The following CEP135 variants were observed in gnomAD, a reference collection of about 807,000 sequenced individuals.
CEP135 encodes centrosomal protein 135.
CEP135 carries 142 observed loss-of-function variants against 157.3 expected under a neutral mutation model. The observed-to-expected ratio is 0.90, with a 90% CI of 0.79 to 1.04. The LOEUF is 1.04. Ranked by LOEUF, CEP135 falls within the 50% of genes least tolerant of loss-of-function variation. The pLI, the probability that CEP135 is intolerant of heterozygous loss-of-function variation, is 0.00. For missense variants in CEP135, 1,317 were observed against 1,309.2 expected, an observed-to-expected ratio of 1.01 and a Z score of -0.09; for synonymous variants, 396 against 439.8, an observed-to-expected ratio of 0.90 and a Z score of 1.25.
At position 55,969,141 on chromosome 4, in the gene CEP135, C is replaced by A; in HGVS notation, c.1110+13C>A. ...AAAACTTCAGCTGGTAAGTTGATGTCATGTTGAATTGCCAGCATTTTCAGT... is the reference window on the plus strand; with the variant it reads ...AAAACTTCAGCTGGTAAGTTGATGTAATGTTGAATTGCCAGCATTTTCAGT... On this transcript the variant is annotated intron_variant, in intron 9 of 25. Coordinates refer to ENST00000257287, the MANE Select transcript of CEP135 (RefSeq NM_025009.5). 1 of 1,608,318 alleles carries A rather than the reference C, an allele frequency of 6.2e-7. No individual in the cohort carries two copies. The highest frequency in any genetic ancestry group is 8.5e-7 in the Non-Finnish European group (1 of 1,177,272).
At chr4:56,009,999 A>G in intron 19 of CEP135, 96 bp downstream of exon 19, 1 of 1,222,010 alleles carries the variant, frequency 8.2e-7, no homozygotes, top group Admixed American at 2.4e-5. Flanking sequence ...CTGATGATAT[A>G]AAAATAAGTG....
chr4:56,002,071 G>A (rs1730192490), intron 17 of CEP135, among the ~76,000 whole-genome samples: 1 of 151,974 alleles, frequency 6.6e-6, no homozygotes, highest in Non-Finnish European at 1.5e-5. Context: ...TAAAAATGCT[G>A]TTGATTTTTG....
chr4:55,972,840 T>C (rs1729071115), intron 10 of CEP135, among the ~76,000 whole-genome samples: 1 of 152,150 alleles, frequency 6.6e-6, no homozygotes, highest in South Asian at 2.1e-4. Flanking sequence ...AAGACCAGCC[T>C]GACCCACATG....
rs189659694 is a variant in CEP135 at position 55,953,943 on chromosome 4, C to T, written c.305-273C>T. On this transcript the variant is annotated intron_variant, in intron 3 of 25. Coordinates refer to ENST00000257287, the MANE Select transcript of CEP135 (RefSeq NM_025009.5). ...CTAATCCATGGTATGAATTCATAAT[C>T]CTTTAGCTTCAGACCCAATTTACTG... 2.6e-3 allele frequency among the ~76,000 whole-genome samples: 396 copies of T among 152,194 alleles called. 5 individuals carry two copies. Among genetic ancestry groups the T allele is most frequent in the Middle Eastern group, 0.014 (4 of 294 alleles).
At chr4:55,985,389 T>C in intron 14 of CEP135, 31 bp downstream of exon 14, 1 of 1,121,646 alleles carries the variant, frequency 8.9e-7, no homozygotes, top group Non-Finnish European at 1.3e-6. Context: ...TGGGGTATCT[T>C]GTGTTATATG....
chr4:55,999,639 T>C lies in CEP135; in HGVS notation c.2274T>C (p.Ala758=). 6.3e-7 allele frequency: 1 copy of C among 1,586,682 alleles called. No individual in the cohort carries two copies. Among genetic ancestry groups the C allele is most frequent in the South Asian group, 1.2e-5 (1 of 85,762 alleles). Reference sequence around the variant, plus strand: ...TTGCAAATTTGCAAGAAAACCTAGCTAATAAAGTATGTGATCGTTTAATGT... The same window carrying C: ...TTGCAAATTTGCAAGAAAACCTAGCCAATAAAGTATGTGATCGTTTAATGT... The part of the protein sequence containing the change: ...EKIANLQENL[A]NKEKAVAQMK... The change falls in exon 17 of 26, where the codon GCT becomes GCC. Residue 758 remains alanine (A), a synonymous_variant. Transcript: ENST00000257287.
chr4:56,010,842 T>G (rs938304755), intron 19 of CEP135, among the ~76,000 whole-genome samples: 3 of 152,236 alleles, frequency 2.0e-5, no homozygotes, highest in African/African-American at 7.2e-5. Context: ...ATATGAATGT[T>G]TTTTAATGTC....
chr4:56,026,509 T>TATTGTGTG (rs1731164262), intron 25 of CEP135, among the ~76,000 whole-genome samples: 1 of 152,202 alleles, frequency 6.6e-6, no homozygotes, highest in Non-Finnish European at 1.5e-5. Context: ...TTGTGTGTAC[T>TATTGTGTG]TGTAGATTGT....
intron 8 of CEP135, among the ~76,000 whole-genome samples, chr4:55,967,414 A>T (rs959592873): frequency 6.6e-6 from 1 of 152,118 alleles, no homozygotes; most frequent in Admixed American, 6.5e-5. Context: ...GGTACTCTAA[A>T]AGTTTTTTAT....
At chr4:56,013,886 G>A (rs1320869046) in intron 21 of CEP135, among the ~76,000 whole-genome samples, 1 of 152,144 alleles carries the variant, frequency 6.6e-6, no homozygotes, top group Non-Finnish European at 1.5e-5. Flanking sequence ...GCGGATTAGG[G>A]TTAGACCCTA....
intron 11 of CEP135, 61 bp from the exon 12 acceptor site, chr4:55,980,082 T>C: frequency 7.6e-7 from 1 of 1,322,634 alleles, no homozygotes; most frequent in Non-Finnish European, 1.1e-6. Context: ...AATCTCATCA[T>C]CAGTATCCTT....
chr4:55,981,296 C>T lies in CEP135; in HGVS notation c.1696C>T (p.Leu566Phe). The change falls in exon 13 of 26, where the codon CTT becomes TTT. Residue 566 changes from leucine (L) to phenylalanine (F), a missense_variant. Physicochemically the swap from Leu to Phe is conservative, Grantham distance 22. Transcript: ENST00000257287. ...QTTAPHNIVS[L>F]MEKEKELALS... ...CACAGCACCCCATAATATTGTTAGT[C>T]TTATGGAAAAGGAAAAAGAACTTGC... 1.9e-6 allele frequency: 3 copies of T among 1,596,560 alleles called. No individual in the cohort carries two copies. The South Asian group carries it at 3.5e-5, about 18-fold the overall frequency.
intron 15 of CEP135, among the ~76,000 whole-genome samples, chr4:55,997,673 ACTTT>A (rs1730019911): frequency 1.4e-5 from 2 of 142,968 alleles, no homozygotes; most frequent in Non-Finnish European, 3.0e-5. Flanking sequence ...CTTTGCCCTT[ACTTT>A]CTTTGTGACC....
intron 21 of CEP135, among the ~76,000 whole-genome samples, chr4:56,017,200 T>C (rs982848404): frequency 5.9e-5 from 9 of 152,128 alleles, no homozygotes; most frequent in African/African-American, 1.9e-4. Flanking sequence ...ATTTAAATTA[T>C]CCAGGTATAT....
chr4:55,992,124 A>G (rs773143149), intron 15 of CEP135, 39 bp downstream of exon 15: 2 of 1,572,450 alleles, frequency 1.3e-6, no homozygotes, highest in Non-Finnish European at 1.7e-6. Context: ...ATTTCTGGGA[A>G]TGTGTTTGTG....
chr4:55,983,467 T>A lies in CEP135; in HGVS notation c.1780-1814T>A, dbSNP rs548505197. Among the ~76,000 whole-genome samples the A allele has an allele frequency of 1.1e-4, 16 of 152,294 alleles. No individual in the cohort carries two copies. In the East Asian group the frequency reaches 2.1e-3, roughly 20 times the overall value. On this transcript the variant is annotated intron_variant, in intron 13 of 25. Coordinates refer to ENST00000257287, the MANE Select transcript of CEP135 (RefSeq NM_025009.5). Reference sequence around the variant, plus strand: ...AGTTGTCAAATCCAAGCATCATCCATCACTAAGATCTCCCTGAAAGCTCAT... The same window carrying A: ...AGTTGTCAAATCCAAGCATCATCCAACACTAAGATCTCCCTGAAAGCTCAT...
intron 4 of CEP135, among the ~76,000 whole-genome samples, chr4:55,954,753 A>G (rs1056313233): frequency 5.3e-5 from 8 of 152,142 alleles, no homozygotes; most frequent in African/African-American, 1.9e-4. Flanking sequence ...TTATTTTACT[A>G]TTTTTAGCAT....
chr4:56,005,088 A>G (rs1463575900), intron 17 of CEP135, among the ~76,000 whole-genome samples: 1 of 152,258 alleles, frequency 6.6e-6, no homozygotes, highest in Non-Finnish European at 1.5e-5. Context: ...GAAGCTTACA[A>G]AACGTATCTT....
intron 21 of CEP135, among the ~76,000 whole-genome samples, chr4:56,016,882 C>T (rs959671437): frequency 7.2e-5 from 11 of 152,038 alleles, no homozygotes; most frequent in South Asian, 2.1e-4. Flanking sequence ...CTATGTTTCC[C>T]GGACTGGTCT....
Sources: gnomAD v4.1 joint callset for allele counts (sites outside exome capture counted in the v4.1 genomes callset) on GRCh38, gnomAD v4.1.1 for gene constraint, MANE v1.5 for transcripts, NCBI Gene and HGNC (gene_info 2026-07-23, HGNC 2026-07-21) for gene names.